The following CLNK variants were observed in gnomAD, a reference collection of about 807,000 sequenced individuals.
CLNK encodes the protein cytokine dependent hematopoietic cell linker.
CLNK carries 74 observed loss-of-function variants against 68.6 expected under a neutral mutation model. The observed-to-expected ratio is 1.08, with a 90% confidence interval of 0.89 to 1.31. The LOEUF is 1.31. Among genes scored for constraint, CLNK ranks in the 50% most tolerant of loss-of-function variants. The pLI is 0.00. For synonymous variants in CLNK, 198 were observed against 172.2 expected (o/e 1.15, Z -1.17); for missense variants, 553 against 515.3 (o/e 1.07, Z -0.71).
chr4:10,541,514 C>A (rs1385525492), intron 10 of CLNK, among the ~76,000 whole-genome samples: 1 of 151,936 alleles, frequency 6.6e-6, no homozygotes, highest in Non-Finnish European at 1.5e-5. Context: ...CACTCAGAGC[C>A]TCTGCAGCTG....
the CLNK span, among the ~76,000 whole-genome samples, chr4:10,698,981 C>T: frequency 6.6e-6 from 1 of 152,092 alleles, no homozygotes; most frequent in Non-Finnish European, 1.5e-5. Flanking sequence ...CAGACTCAGA[C>T]TTAAAGTTGA....
chr4:10,699,274 CA>C, the CLNK span, among the ~76,000 whole-genome samples: 1 of 96,494 alleles, frequency 1.0e-5, no homozygotes, highest in African/African-American at 3.4e-5. Context: ...TACACACACA[CA>C]CACCACATAC....
At chr4:10,616,225 A>G (rs1375517086) in intron 2 of CLNK, among the ~76,000 whole-genome samples, 1 of 152,226 alleles carries the variant, frequency 6.6e-6, no homozygotes, top group Non-Finnish European at 1.5e-5. Context: ...TAGTGAAGTA[A>G]TATTTGCAGC....
intron 2 of CLNK, among the ~76,000 whole-genome samples, chr4:10,608,952 T>C (rs1019124): frequency 0.69 from 105,624 of 152,128 alleles, 37,571 homozygotes; most frequent in East Asian, 0.77. Flanking sequence ...CTCTCTTACA[T>C]TTCTTCTTAG....
At chr4:10,560,446 G>T (rs141745409) in intron 7 of CLNK, among the ~76,000 whole-genome samples, 1 of 152,170 alleles carries the variant, frequency 6.6e-6, no homozygotes, top group East Asian at 1.9e-4. Context: ...TTGAGACAGG[G>T]TCTCACTCTG....
chr4:10,522,207 G>A (rs1295647317), intron 14 of CLNK, among the ~76,000 whole-genome samples: 4 of 149,620 alleles, frequency 2.7e-5, no homozygotes, highest in East Asian at 2.0e-4. Flanking sequence ...GCAGTGAGCC[G>A]AGATCGCGCC....
At chr4:10,685,450 G>A (rs1725234981), upstream of CLNK, among the ~76,000 whole-genome samples, 1 of 152,164 alleles carries the variant, frequency 6.6e-6, no homozygotes, top group African/African-American at 2.4e-5. Context: ...ATAAAGGCAT[G>A]CAGTAATGTT....
chr4:10,576,113 C>T (rs1431548884), intron 4 of CLNK, among the ~76,000 whole-genome samples: 1 of 152,154 alleles, frequency 6.6e-6, no homozygotes, highest in Admixed American at 6.5e-5. Context: ...GCATGTGGTA[C>T]AGCAGGAACA....
chr4:10,614,957 G>C (rs1395735271), intron 2 of CLNK, among the ~76,000 whole-genome samples: 2 of 152,108 alleles, frequency 1.3e-5, no homozygotes, highest in African/African-American at 2.4e-5. Flanking sequence ...GGTCTAAGAA[G>C]GGAAGATCAC....
At chr4:10,568,501 T>G (rs553165044) in intron 5 of CLNK, among the ~76,000 whole-genome samples, 11 of 152,300 alleles carry the variant, frequency 7.2e-5, no homozygotes, top group Non-Finnish European at 1.2e-4. Flanking sequence ...GTAAATTGAA[T>G]GGCAGGTAGA....
the CLNK span, among the ~76,000 whole-genome samples, chr4:10,711,742 C>T: frequency 1.3e-5 from 2 of 152,312 alleles, no homozygotes; most frequent in South Asian, 4.1e-4. Context: ...TTGTGAGTCT[C>T]AGATCATCCA....
chr4:10,592,121 T>C (rs1412591514), intron 3 of CLNK, among the ~76,000 whole-genome samples: 19 of 152,230 alleles, frequency 1.2e-4, no homozygotes, highest in Admixed American at 1.2e-3. Flanking sequence ...ATGCATTTAG[T>C]AAATCTGGAC....
intron 4 of CLNK, among the ~76,000 whole-genome samples, chr4:10,577,670 G>A (rs1349806415): frequency 6.6e-6 from 1 of 151,910 alleles, no homozygotes; most frequent in Non-Finnish European, 1.5e-5. Flanking sequence ...TAAGATTAAG[G>A]CCAGTACAAG....
chr4:10,614,510 C>T (rs181272072), intron 2 of CLNK, among the ~76,000 whole-genome samples: 1 of 152,234 alleles, frequency 6.6e-6, no homozygotes, highest in East Asian at 1.9e-4. Flanking sequence ...CTGGCCAGAT[C>T]TGTTTTTCAG....
rs114949665 is a variant in CLNK at position 10,619,097 on chromosome 4, C to A, written c.12-21048G>T. 3.5e-3 allele frequency among the ~76,000 whole-genome samples: 527 copies of A among 152,352 alleles called. 3 individuals are homozygous for A. Among genetic ancestry groups the A allele is most frequent in the African/African-American group, 0.012 (508 of 41,586 alleles). On this transcript the variant is annotated intron_variant, in intron 2 of 18. Transcript: ENST00000226951. Reference sequence around the variant, plus strand: ...GACCACAGAAAATCAGTGAGTAGCTCTGTGTTCTACACTGCCAGTTGCACA... The same window carrying A: ...GACCACAGAAAATCAGTGAGTAGCTATGTGTTCTACACTGCCAGTTGCACA...
chr4:10,699,241 C>G, the CLNK span, among the ~76,000 whole-genome samples: 1 of 51,630 alleles, frequency 1.9e-5, no homozygotes, highest in East Asian at 4.3e-4. Context: ...TATACACACA[C>G]ATACACACCA....
At chr4:10,567,530 T>C (rs932571181) in intron 5 of CLNK, among the ~76,000 whole-genome samples, 7 of 152,308 alleles carry the variant, frequency 4.6e-5, no homozygotes, top group Admixed American at 2.6e-4. Flanking sequence ...AGGCAATGAT[T>C]ACTTAGATAG....
chr4:10,589,981 C>T (rs1274819335), intron 3 of CLNK, among the ~76,000 whole-genome samples: 1 of 152,198 alleles, frequency 6.6e-6, no homozygotes, highest in Non-Finnish European at 1.5e-5. Flanking sequence ...GGTGTTATAA[C>T]TTGGCAGCCA....
chr4:10,516,827 A>G (rs2109042662), intron 15 of CLNK, among the ~76,000 whole-genome samples: 1 of 152,314 alleles, frequency 6.6e-6, no homozygotes, highest in Non-Finnish European at 1.5e-5. Flanking sequence ...CTGGGATTAT[A>G]GGCGTGAGCC....
Sources: gnomAD v4.1 joint callset for allele counts (sites outside exome capture counted in the v4.1 genomes callset) on GRCh38, gnomAD v4.1.1 for gene constraint, MANE v1.5 for transcripts, NCBI Gene and HGNC (gene_info 2026-07-23, HGNC 2026-07-21) for gene names.